Variants in ADGRB3 observed in about 807,000 individuals in gnomAD.
ADGRB3 encodes brain-specific angiogenesis inhibitor 3.
In ADGRB3, 37 loss-of-function variants were observed where a neutral mutation model predicts 193.4. That is an observed-to-expected ratio of 0.19 (90% CI 0.15 to 0.25). ADGRB3 has a LOEUF of 0.25. Ranked by LOEUF, ADGRB3 falls within the 10% of genes least tolerant of loss-of-function variation. The pLI is 1.00. For missense variants in ADGRB3, 1,637 were observed against 1,852.9 expected (o/e 0.88, Z 2.14); for synonymous variants, 690 against 644.2 (o/e 1.07, Z -1.08).
intron 17 of ADGRB3, among the ~76,000 whole-genome samples, chr6:69,177,980 C>G (rs1316776415): frequency 6.6e-6 from 1 of 152,054 alleles, no homozygotes; most frequent in East Asian, 1.9e-4. Context: ...GAGTTTAGTC[C>G]AGAATTTCTT....
intron 17 of ADGRB3, among the ~76,000 whole-genome samples, chr6:69,141,956 C>T (rs1269351556): frequency 2.0e-5 from 3 of 152,078 alleles, no homozygotes; most frequent in Non-Finnish European, 4.4e-5. Flanking sequence ...CTCAAAGGGT[C>T]ACAGACATGG....
At chr6:68,942,936 T>C (rs1275522715) in intron 5 of ADGRB3, among the ~76,000 whole-genome samples, 1 of 152,192 alleles carries the variant, frequency 6.6e-6, no homozygotes, top group African/African-American at 2.4e-5. Context: ...CATGGTCTTT[T>C]GCAAAATATA....
At chr6:68,677,882 T>C (rs928746763) in intron 3 of ADGRB3, among the ~76,000 whole-genome samples, 3 of 152,172 alleles carry the variant, frequency 2.0e-5, no homozygotes, top group Non-Finnish European at 4.4e-5. Context: ...TAAAGGACTT[T>C]CAAGTTATGA....
intron 20 of ADGRB3, among the ~76,000 whole-genome samples, chr6:69,251,368 T>A (rs1298398105): frequency 3.6e-5 from 4 of 110,322 alleles, no homozygotes; most frequent in African/African-American, 1.3e-4. Context: ...TAGGAACCCA[T>A]TTTTTTTTTA....
intron 17 of ADGRB3, among the ~76,000 whole-genome samples, chr6:69,223,190 T>G (rs1393180211): frequency 6.6e-6 from 1 of 152,180 alleles, no homozygotes; most frequent in Admixed American, 6.5e-5. Context: ...TTTATATAAA[T>G]GTCCAGTGAA....
chr6:69,088,132 A>G (rs1347848806), intron 17 of ADGRB3, among the ~76,000 whole-genome samples: 4 of 152,164 alleles, frequency 2.6e-5, no homozygotes, highest in Non-Finnish European at 4.4e-5. Flanking sequence ...CAACACCTGT[A>G]TAGTTCTCAG....
intron 17 of ADGRB3, among the ~76,000 whole-genome samples, chr6:69,137,743 G>A (rs867494518): frequency 7.2e-5 from 11 of 152,110 alleles, no homozygotes; most frequent in Non-Finnish European, 1.2e-4. Flanking sequence ...GATGCAGTGG[G>A]CCAAGATCAC....
At chr6:68,999,054 G>T (rs1769482062) in intron 11 of ADGRB3, among the ~76,000 whole-genome samples, 1 of 152,108 alleles carries the variant, frequency 6.6e-6, no homozygotes, top group South Asian at 2.1e-4. Flanking sequence ...TCCCAACCTT[G>T]ATTTATGAGA....
chr6:69,250,991 C>T lies in ADGRB3; in HGVS notation c.2814+11765C>T, dbSNP rs1413026866. Among the ~76,000 whole-genome samples the T allele has an allele frequency of 2.0e-5, 3 of 152,254 alleles. No homozygotes were observed. The East Asian group carries it at 5.8e-4, about 29-fold the overall frequency. ...TCACCTCACTGCCTCATATTCATTA[C>T]TCTTTTCTTTCTGTATATTTCTGTC... is the stretch of plus-strand genomic sequence containing the variant. On this transcript the variant is annotated intron_variant, in intron 20 of 31. Transcript: ENST00000370598.
intron 20 of ADGRB3, among the ~76,000 whole-genome samples, chr6:69,290,680 C>T (rs1767646491): frequency 6.6e-6 from 1 of 152,098 alleles, no homozygotes; most frequent in Admixed American, 6.5e-5. Flanking sequence ...ATAATAAAAG[C>T]AGAGTGTTTA....
At chr6:68,936,441 T>C (rs1767487834) in intron 4 of ADGRB3, 78 bp from the exon 5 acceptor site, 1 of 1,356,682 alleles carries the variant, frequency 7.4e-7, no homozygotes, top group African/African-American at 1.4e-5. Flanking sequence ...TTGCATGTCA[T>C]AATGTCAGTT....
intron 17 of ADGRB3, among the ~76,000 whole-genome samples, chr6:69,132,138 A>G (rs1774028314): frequency 1.3e-5 from 2 of 152,206 alleles, no homozygotes; most frequent in Admixed American, 6.5e-5. Context: ...TTGGGTATAT[A>G]CCCAGCAATG....
At chr6:68,847,539 G>T (rs1271333688) in intron 3 of ADGRB3, among the ~76,000 whole-genome samples, 2 of 152,226 alleles carry the variant, frequency 1.3e-5, no homozygotes, top group Middle Eastern at 3.4e-3. Flanking sequence ...AGTCTCACAA[G>T]ATCTAATGGG....
At chr6:68,970,169 C>CAA (rs1297832892) in intron 8 of ADGRB3, among the ~76,000 whole-genome samples, 8 of 152,216 alleles carry the variant, frequency 5.3e-5, no homozygotes, top group African/African-American at 1.7e-4. Flanking sequence ...GTTAAAATAG[C>CAA]ACCCTGTACT....
intron 3 of ADGRB3, among the ~76,000 whole-genome samples, chr6:68,693,161 G>A (rs1447027972): frequency 4.6e-5 from 7 of 151,760 alleles, no homozygotes; most frequent in Non-Finnish European, 8.8e-5. Flanking sequence ...TTTAGAGAAC[G>A]TTTAAATGAG....
chr6:68,861,796 T>C (rs1305106954), intron 3 of ADGRB3, among the ~76,000 whole-genome samples: 1 of 152,136 alleles, frequency 6.6e-6, no homozygotes, highest in African/African-American at 2.4e-5. Context: ...CAAATTTATG[T>C]CATTTTCTGT....
At chr6:69,244,056 T>C (rs543434165) in intron 20 of ADGRB3, among the ~76,000 whole-genome samples, 1 of 152,068 alleles carries the variant, frequency 6.6e-6, no homozygotes, top group African/African-American at 2.4e-5. Context: ...TTATTTGGGG[T>C]GGTCAAACAT....
intron 8 of ADGRB3, among the ~76,000 whole-genome samples, chr6:68,967,625 C>A (rs1768421783): frequency 6.6e-6 from 1 of 151,876 alleles, no homozygotes; most frequent in Non-Finnish European, 1.5e-5. Context: ...CCGCCCCACA[C>A]ACAACGTCTA....
intron 31 of ADGRB3, among the ~76,000 whole-genome samples, chr6:69,384,260 C>T (rs567264237): frequency 3.3e-5 from 5 of 151,974 alleles, no homozygotes; most frequent in Non-Finnish European, 5.9e-5. Context: ...AAGTAGGAAT[C>T]ATGTATTATT....
Sources: allele counts gnomAD v4.1 joint callset (sites outside exome capture counted in the v4.1 genomes callset), GRCh38; gene constraint gnomAD v4.1.1; transcripts MANE v1.5; gene names NCBI Gene and HGNC (gene_info 2026-07-23, HGNC 2026-07-21).